The following PROM1 variants were observed in gnomAD, a reference collection of about 807,000 sequenced individuals.
The protein encoded by PROM1 is prominin-1.
In PROM1, 105 loss-of-function variants were observed where a neutral mutation model predicts 116.9. The observed-to-expected ratio is 0.90, with a 90% confidence interval of 0.77 to 1.06. PROM1 has a LOEUF of 1.06. Ranked by LOEUF, PROM1 falls within the 50% of genes least tolerant of loss-of-function variation. The pLI is 0.00. For synonymous variants in PROM1, 393 were observed against 387.0 expected, an observed-to-expected ratio of 1.02 and a Z score of -0.18; for missense variants, 1,122 against 1,045.2, an observed-to-expected ratio of 1.07 and a Z score of -1.01.
In PROM1 at chr4:15,980,427, G is replaced by C; in HGVS notation, c.2484C>G (p.Tyr828Ter). Residue 828 changes from tyrosine (Y) to a stop codon, truncating the protein, a stop_gained, in exon 24 of 28, where the codon TAC becomes TAG. Transcript: ENST00000447510. LOFTEE classifies it high-confidence loss of function. ...YYRRMDSEDV[Y>*]DDVETIPMKN... The stretch of plus-strand genomic sequence containing the variant: ...GTGGAAGCCCACATACTTACTCATC[G>C]TACACGTCCTCCGAATCCATTCGAC... The C allele has an allele frequency of 6.5e-7, 1 of 1,541,832 alleles. No individual in the cohort carries two copies. The highest frequency in any genetic ancestry group is 8.8e-7 in the Non-Finnish European group (1 of 1,138,996).
chr4:16,073,695 C>T (rs1743322399), intron 2 of PROM1, among the ~76,000 whole-genome samples: 1 of 152,118 alleles, frequency 6.6e-6, no homozygotes, highest in Admixed American at 6.5e-5. Flanking sequence ...TGATGAAGGT[C>T]AAGAGACAAA....
At chr4:16,063,916 G>T (rs1456637255) in intron 2 of PROM1, among the ~76,000 whole-genome samples, 2 of 151,976 alleles carry the variant, frequency 1.3e-5, no homozygotes, top group African/African-American at 4.8e-5. Context: ...GAGTAAGACT[G>T]GTAATGAGTT....
Position 16,033,285 on chromosome 4 carries a change from T to G in PROM1, c.509+19A>C. 2.5e-6 allele frequency: 4 copies of G among 1,582,328 alleles called. No homozygotes were observed. The highest frequency in any genetic ancestry group is 3.5e-6 in the Non-Finnish European group (4 of 1,156,528). Reference sequence around the variant, plus strand: ...ATCAGCCTAAAACACAATCAGTTGTTGTCCAATATTGTACTTGCCTTATTA... The same window carrying G: ...ATCAGCCTAAAACACAATCAGTTGTGGTCCAATATTGTACTTGCCTTATTA... On this transcript the variant is annotated intron_variant, in intron 5 of 27. Transcript: ENST00000447510.
chr4:16,012,015 G>T (rs1436215105), intron 11 of PROM1, among the ~76,000 whole-genome samples: 1 of 150,660 alleles, frequency 6.6e-6, no homozygotes, highest in African/African-American at 2.4e-5. Context: ...GTTTGTTTTT[G>T]TTTTTTTTTG....
At chr4:15,971,368 G>C in intron 26 of PROM1, 1 of 364,302 alleles carries the variant, frequency 2.7e-6, no homozygotes, top group Admixed American at 4.1e-5. Context: ...GAGTCACTAA[G>C]AATACGTGTT....
At chr4:16,024,025 AGAAT>A (rs1303818197) in intron 7 of PROM1, among the ~76,000 whole-genome samples, 4 of 152,222 alleles carry the variant, frequency 2.6e-5, no homozygotes, top group Admixed American at 2.6e-4. Context: ...AAGGAAATGG[AGAAT>A]GAGAGCTTGT....
intron 2 of PROM1, among the ~76,000 whole-genome samples, chr4:16,045,055 C>T (rs1736214708): frequency 6.6e-6 from 1 of 152,108 alleles, no homozygotes; most frequent in South Asian, 2.1e-4. Flanking sequence ...CCCACCTCTA[C>T]TCTGGGATCC....
intron 2 of PROM1, among the ~76,000 whole-genome samples, chr4:16,071,669 T>C (rs762691013): frequency 2.9e-4 from 44 of 152,180 alleles, no homozygotes; most frequent in Non-Finnish European, 5.7e-4. Context: ...AAGGTGGCTG[T>C]TCACAAGCCA....
chr4:15,991,324 G>A lies in PROM1; in HGVS notation c.1912-31C>T, dbSNP rs369323790. Reference sequence around the variant, plus strand: ...ATAGAAGTGAAAAAAATTGTCTTATGGATATGGGATCTTTAAGCCTTAACA... The same window carrying A: ...ATAGAAGTGAAAAAAATTGTCTTATAGATATGGGATCTTTAAGCCTTAACA... On this transcript the variant is annotated intron_variant, in intron 17 of 27. Coordinates refer to ENST00000447510, the MANE Select transcript of PROM1 (RefSeq NM_006017.3). 1.1e-5 allele frequency: 16 copies of A among 1,483,174 alleles called. No homozygotes were observed. In the African/African-American group the frequency reaches 2.0e-4, roughly 18 times the overall value. The allele number at this position is 1,483,174 out of a possible 1,614,324, so 91.9% of individuals were successfully genotyped here.
chr4:16,014,921 G>A (rs1359565722), intron 10 of PROM1, among the ~76,000 whole-genome samples: 1 of 152,228 alleles, frequency 6.6e-6, no homozygotes, highest in African/African-American at 2.4e-5. Flanking sequence ...TTACAGTTCA[G>A]TGGTGGGAAG....
chr4:16,015,980 T>A (rs1033431989), intron 10 of PROM1, among the ~76,000 whole-genome samples, 186 bp downstream of exon 10: 1 of 152,144 alleles, frequency 6.6e-6, no homozygotes, highest in South Asian at 2.1e-4. Context: ...ACATCATAGA[T>A]GCTTAACAAA....
At chr4:16,054,348 C>A (rs150668783) in intron 2 of PROM1, among the ~76,000 whole-genome samples, 60 of 152,312 alleles carry the variant, frequency 3.9e-4, no homozygotes, top group African/African-American at 1.3e-3. Context: ...CCTTCCAATT[C>A]AAATCAAAGT....
chr4:16,030,639 T>C (rs1398936574), intron 5 of PROM1, among the ~76,000 whole-genome samples: 2 of 152,244 alleles, frequency 1.3e-5, no homozygotes, highest in Non-Finnish European at 2.9e-5. Context: ...ATTGTTGATA[T>C]ATTTTGGCAT....
chr4:16,009,660 C>G (rs1476881617), intron 11 of PROM1, among the ~76,000 whole-genome samples: 2 of 151,976 alleles, frequency 1.3e-5, no homozygotes, highest in African/African-American at 4.8e-5. Context: ...GTATTCAGGG[C>G]CGGGCACAGT....
chr4:16,025,725 A>G (rs1484469210), intron 5 of PROM1, among the ~76,000 whole-genome samples: 1 of 151,964 alleles, frequency 6.6e-6, no homozygotes, highest in Non-Finnish European at 1.5e-5. Flanking sequence ...ACACGCACAC[A>G]CACACACACA....
At chr4:15,987,543 G>A (rs1719753584) in intron 20 of PROM1, 120 bp downstream of exon 20, 1 of 1,043,208 alleles carries the variant, frequency 9.6e-7, no homozygotes, top group African/African-American at 1.6e-5. Context: ...ATTTAAAATA[G>A]GTAGATAACT....
chr4:16,051,924 A>G (rs1429920758), intron 2 of PROM1, among the ~76,000 whole-genome samples: 1 of 152,198 alleles, frequency 6.6e-6, no homozygotes, highest in Non-Finnish European at 1.5e-5. Flanking sequence ...CAAACATGAC[A>G]TCTTCTAATT....
At chr4:16,059,167 G>GA (rs1368346287) in intron 2 of PROM1, among the ~76,000 whole-genome samples, 2 of 152,044 alleles carry the variant, frequency 1.3e-5, no homozygotes, top group Non-Finnish European at 2.9e-5. Context: ...AGAGGATAAT[G>GA]AAAAAAACAA....
intron 4 of PROM1, among the ~76,000 whole-genome samples, chr4:16,035,141 C>T (rs1247386758): frequency 6.6e-6 from 1 of 152,140 alleles, no homozygotes; most frequent in East Asian, 1.9e-4. Context: ...CCCATGTCCA[C>T]GAAGAGGCAT....
Sources: gnomAD v4.1 joint callset for allele counts (sites outside exome capture counted in the v4.1 genomes callset) on GRCh38, gnomAD v4.1.1 for gene constraint, MANE v1.5 for transcripts, NCBI Gene and HGNC (gene_info 2026-07-23, HGNC 2026-07-21) for gene names.